The following GRIA3 variants were observed in gnomAD, a reference collection of about 807,000 sequenced individuals.
GRIA3 encodes the protein glutamate ionotropic receptor AMPA type subunit 3, also known as glutamate receptor 3.
A neutral mutation model predicts 63.0 loss-of-function variants in GRIA3; 3 were observed. That is an observed-to-expected ratio of 0.05 (90% confidence interval 0.02 to 0.12). The LOEUF (loss-of-function observed/expected upper bound fraction) is 0.12, where lower values mean the gene tolerates loss of function less well. Ranked by LOEUF, GRIA3 falls within the 10% of genes least tolerant of loss-of-function variation. The probability of loss-of-function intolerance (pLI) is 1.00; values close to 1 mark genes in which losing one functional copy is unlikely to be tolerated. For missense variants in GRIA3, 347 were observed against 700.9 expected (o/e 0.50, Z 5.70); for synonymous variants, 274 against 257.9 (o/e 1.06, Z -0.60).
At chrX:123,421,908 C>T (rs1260297279) in intron 11 of GRIA3, among the ~76,000 whole-genome samples, 1 of 112,171 alleles carries the variant, frequency 8.9e-6, no homozygotes, top group African/African-American at 3.2e-5. Flanking sequence ...CCAAAACATG[C>T]TCTTTCCACT....
At chrX:123,259,513 GCACA>G (rs769936326) in intron 3 of GRIA3, among the ~76,000 whole-genome samples, 1 of 105,671 alleles carries the variant, frequency 9.5e-6, no homozygotes, top group Non-Finnish European at 2.0e-5. Flanking sequence ...TCATGCGCGC[GCACA>G]CACACACACA....
At chrX:123,381,481 C>G (rs2045323930) in intron 5 of GRIA3, among the ~76,000 whole-genome samples, 1 of 111,783 alleles carries the variant, frequency 8.9e-6, no homozygotes, top group Admixed American at 9.5e-5. Context: ...AGTGTCATAA[C>G]CATAAAAATT....
At chrX:123,226,831 A>T (rs1415603941) in intron 2 of GRIA3, among the ~76,000 whole-genome samples, 1 of 111,990 alleles carries the variant, frequency 8.9e-6, no homozygotes, top group Non-Finnish European at 1.9e-5. Context: ...ATCATTGATT[A>T]TCCATGAGAA....
intron 15 of GRIA3, among the ~76,000 whole-genome samples, chrX:123,485,585 A>C (rs1376705300): frequency 9.0e-6 from 1 of 111,631 alleles, no homozygotes; most frequent in Non-Finnish European, 1.9e-5. Flanking sequence ...GTCCACAAAA[A>C]AAGTCTTGAG....
Position 123,260,485 on chromosome X carries a change from A to AAAGAAAG in GRIA3, c.508+6946_508+6952dup, listed in dbSNP as rs1428662373. On this transcript the variant is annotated intron_variant, in intron 3 of 15. Transcript: ENST00000620443. ...GGAAGGAAGAAGAAAGGAAAGAAAG[A>AAAGAAAG]AAGAAAGAAAGAAAGAAAGAAAGAA... is the stretch of plus-strand genomic sequence containing the variant. 6.3e-4 allele frequency among the ~76,000 whole-genome samples: 13 copies of AAAGAAAG among 20,519 alleles called. 2 individuals are homozygous for AAAGAAAG. The highest frequency in any genetic ancestry group is 1.5e-3 in the African/African-American group (12 of 7,943). 17.8% of individuals were successfully genotyped at this position (20,519 alleles called of 115,157 possible).
At chrX:123,208,282 T>A (rs1603026497) in intron 2 of GRIA3, among the ~76,000 whole-genome samples, 1 of 112,385 alleles carries the variant, frequency 8.9e-6, no homozygotes, top group Non-Finnish European at 1.9e-5. Flanking sequence ...AACCCTGGGC[T>A]GGGAGCCAGT....
chrX:123,288,273 G>T (rs2044633636), intron 3 of GRIA3, among the ~76,000 whole-genome samples: 1 of 111,886 alleles, frequency 8.9e-6, no homozygotes. Context: ...ACTCAAGATG[G>T]ATCATAGACT....
chrX:123,430,840 G>C (rs2045613829), intron 12 of GRIA3, among the ~76,000 whole-genome samples: 1 of 110,374 alleles, frequency 9.1e-6, no homozygotes, highest in African/African-American at 3.3e-5. Flanking sequence ...AAAATTAGCT[G>C]AGTGTGGTGG....
intron 10 of GRIA3, among the ~76,000 whole-genome samples, chrX:123,414,784 G>GT (rs1376675731): frequency 9.0e-6 from 1 of 110,739 alleles, no homozygotes; most frequent in African/African-American, 3.3e-5. Flanking sequence ...GTATTCCATG[G>GT]TGTATATGTG....
At chrX:123,308,231 T>A (rs1465495219) in intron 3 of GRIA3, among the ~76,000 whole-genome samples, 2 of 112,037 alleles carry the variant, frequency 1.8e-5, no homozygotes, top group African/African-American at 6.5e-5. Flanking sequence ...AGGCCAGTGC[T>A]TCTCAAATTT....
At chrX:123,293,460 T>C (rs2044667670) in intron 3 of GRIA3, among the ~76,000 whole-genome samples, 1 of 110,781 alleles carries the variant, frequency 9.0e-6, no homozygotes, top group Non-Finnish European at 1.9e-5. Context: ...AAGTGTTCAT[T>C]GATACTCCTG....
chrX:123,438,676 C>T (rs931322956), intron 12 of GRIA3, among the ~76,000 whole-genome samples: 1 of 112,140 alleles, frequency 8.9e-6, no homozygotes, highest in African/African-American at 3.2e-5. Flanking sequence ...GCGCATGCCA[C>T]CACGCCCAAC....
At chrX:123,398,551 G>C (rs778097823) in intron 6 of GRIA3, 85 bp from the exon 7 acceptor site, 44 of 748,723 alleles carry the variant, frequency 5.9e-5, no homozygotes, top group Admixed American at 5.2e-4. Context: ...ACAATAGGTA[G>C]AAATGAATGA....
At chrX:123,486,756 C>T (rs766962626) in intron 15 of GRIA3, among the ~76,000 whole-genome samples, 1 of 111,915 alleles carries the variant, frequency 8.9e-6, no homozygotes, top group South Asian at 3.8e-4. Context: ...AGTTATTAGG[C>T]TTCCAGTTCT....
At chrX:123,260,417 AC>A (rs1303942335) in intron 3 of GRIA3, among the ~76,000 whole-genome samples, 1 of 8,198 alleles carries the variant, frequency 1.2e-4, no homozygotes, top group African/African-American at 3.7e-4. Context: ...AGACAGACAG[AC>A]AGACAGACAG....
At chrX:123,209,112 G>T (rs1469055961) in intron 2 of GRIA3, among the ~76,000 whole-genome samples, 1 of 111,247 alleles carries the variant, frequency 9.0e-6, no homozygotes, top group Non-Finnish European at 1.9e-5. Context: ...AAGGGTGGAG[G>T]CCCTAGAGTG....
intron 2 of GRIA3, among the ~76,000 whole-genome samples, chrX:123,237,508 A>G (rs947823458): frequency 5.4e-5 from 6 of 111,662 alleles, no homozygotes; most frequent in African/African-American, 1.6e-4. Flanking sequence ...TCCTTGGCCA[A>G]CCTCTGAGGA....
chrX:123,245,589 A>C (rs183599644), intron 2 of GRIA3, among the ~76,000 whole-genome samples: 3 of 112,130 alleles, frequency 2.7e-5, no homozygotes, highest in Non-Finnish European at 5.6e-5. Context: ...TAGGGCCAGC[A>C]GAGTTTAATG....
chrX:123,475,962 C>CCTAT, intron 13 of GRIA3, among the ~76,000 whole-genome samples: 1 of 111,637 alleles, frequency 9.0e-6, no homozygotes, highest in East Asian at 2.8e-4. Flanking sequence ...AATTGCTTAA[C>CCTAT]CTATCTGTGC....
Sources: gnomAD v4.1 joint callset for allele counts (sites outside exome capture counted in the v4.1 genomes callset) on GRCh38, gnomAD v4.1.1 for gene constraint, MANE v1.5 for transcripts, NCBI Gene and HGNC (gene_info 2026-07-23, HGNC 2026-07-21) for gene names.